Variants in ROBO1 observed in about 807,000 individuals in gnomAD.
ROBO1 encodes roundabout homolog 1.
Under a neutral mutation model 195.9 loss-of-function variants are expected in ROBO1, and 149 were observed. The observed-to-expected ratio is 0.76, with a 90% CI of 0.67 to 0.87. The LOEUF is 0.87. Ranked by LOEUF, ROBO1 falls within the 40% of genes least tolerant of loss-of-function variation. The pLI is 0.00. For missense variants in ROBO1, 1,933 were observed against 2,068.3 expected, an observed-to-expected ratio of 0.93 and a Z score of 1.27; for synonymous variants, 816 against 733.2, an observed-to-expected ratio of 1.11 and a Z score of -1.82.
chr3:78,654,633 G>A (rs1470477930), intron 18 of ROBO1, among the ~76,000 whole-genome samples: 2 of 152,254 alleles, frequency 1.3e-5, no homozygotes, highest in Middle Eastern at 3.4e-3. Context: ...CTCAAGTGTG[G>A]TATGACTAAT....
chr3:79,753,674 G>T (rs1704240931), intron 1 of ROBO1, among the ~76,000 whole-genome samples: 1 of 152,144 alleles, frequency 6.6e-6, no homozygotes, highest in African/African-American at 2.4e-5. Flanking sequence ...AGCATTAAGA[G>T]AGAATCCACC....
intron 4 of ROBO1, among the ~76,000 whole-genome samples, chr3:78,840,145 G>T (rs2033080326): frequency 6.6e-6 from 1 of 152,152 alleles, no homozygotes; most frequent in Non-Finnish European, 1.5e-5. Context: ...GATGAATTCA[G>T]CTGTTTCAAT....
At chr3:79,625,965 A>G (rs1945165798) in intron 1 of ROBO1, among the ~76,000 whole-genome samples, 1 of 152,176 alleles carries the variant, frequency 6.6e-6, no homozygotes, top group Admixed American at 6.5e-5. Flanking sequence ...TCAATAAAAT[A>G]CTGGCCAACC....
At chr3:79,512,780 C>A (rs1336957661) in intron 2 of ROBO1, 1 of 152,072 alleles carries the variant, frequency 6.6e-6, no homozygotes, top group East Asian at 1.9e-4. Context: ...CAATTCTAAA[C>A]ATAAATAATA....
intron 3 of ROBO1, among the ~76,000 whole-genome samples, chr3:79,054,059 C>T (rs542738905): frequency 5.1e-4 from 77 of 152,150 alleles, no homozygotes; most frequent in African/African-American, 1.7e-3. Context: ...CTGTTCTAAC[C>T]CCATCTCAGC....
intron 2 of ROBO1, among the ~76,000 whole-genome samples, chr3:79,394,106 C>A (rs576852954): frequency 6.6e-6 from 1 of 151,668 alleles, no homozygotes; most frequent in Non-Finnish European, 1.5e-5. Context: ...TGGCAATAAG[C>A]CCCCTGCTTT....
chr3:79,526,813 A>G (rs994245917), intron 2 of ROBO1, among the ~76,000 whole-genome samples: 1 of 152,168 alleles, frequency 6.6e-6, no homozygotes, highest in African/African-American at 2.4e-5. Flanking sequence ...TTATGATTCT[A>G]AGAGACAAAT....
At chr3:79,615,622 G>A (rs903331983) in intron 1 of ROBO1, among the ~76,000 whole-genome samples, 4 of 152,094 alleles carry the variant, frequency 2.6e-5, no homozygotes, top group African/African-American at 7.2e-5. Flanking sequence ...AACAAAATAT[G>A]AGGATTCACA....
chr3:79,511,581 A>C (rs754160358), intron 2 of ROBO1, among the ~76,000 whole-genome samples: 23 of 152,146 alleles, frequency 1.5e-4, no homozygotes, highest in Non-Finnish European at 2.9e-4. Context: ...AGTTTATTTA[A>C]GCTTCAATAC....
chr3:79,396,433 T>A (rs1000948530), intron 2 of ROBO1, among the ~76,000 whole-genome samples: 1 of 152,026 alleles, frequency 6.6e-6, no homozygotes, highest in Non-Finnish European at 1.5e-5. Context: ...TGCTAACAAT[T>A]CTTTATATCA....
intron 8 of ROBO1, among the ~76,000 whole-genome samples, chr3:78,696,761 T>C (rs1468007287): frequency 6.7e-6 from 1 of 148,440 alleles, no homozygotes; most frequent in Non-Finnish European, 1.5e-5. Flanking sequence ...CATATATATA[T>C]ATAAACTGGT....
intron 1 of ROBO1, among the ~76,000 whole-genome samples, chr3:79,657,722 C>G (rs930705675): frequency 2.0e-5 from 3 of 151,964 alleles, no homozygotes; most frequent in African/African-American, 7.2e-5. Context: ...TCCCTTTTGC[C>G]AATTTTTATA....
intron 8 of ROBO1, chr3:78,693,341 A>C: frequency 6.4e-7 from 1 of 1,550,420 alleles, no homozygotes; most frequent in Non-Finnish European, 8.7e-7. Flanking sequence ...ATAAAATGTC[A>C]ACTTACCAGA....
chr3:79,383,058 T>C (rs2036625609), intron 2 of ROBO1, among the ~76,000 whole-genome samples: 1 of 152,108 alleles, frequency 6.6e-6, no homozygotes, highest in Non-Finnish European at 1.5e-5. Flanking sequence ...GAGTTCTCAA[T>C]GGGCTGCTGG....
intron 2 of ROBO1, among the ~76,000 whole-genome samples, chr3:79,466,344 T>C (rs1937957231): frequency 6.6e-6 from 1 of 152,192 alleles, no homozygotes; most frequent in South Asian, 2.1e-4. Context: ...TACAATTATT[T>C]GTCCTTGTAT....
At chr3:79,015,492 C>T (rs1175512733) in intron 3 of ROBO1, among the ~76,000 whole-genome samples, 1 of 149,580 alleles carries the variant, frequency 6.7e-6, no homozygotes, top group African/African-American at 2.5e-5. Flanking sequence ...CACTTAAAAG[C>T]AGGTTTTAAG....
At chr3:79,590,016 T>A in intron 1 of ROBO1, 55 bp from the exon 2 acceptor site, 1 of 738,976 alleles carries the variant, frequency 1.4e-6, no homozygotes, top group Non-Finnish European at 2.2e-6. Context: ...TGAGAAACAA[T>A]TATTTTGTGA....
chr3:78,955,191 T>C (rs1348108698), intron 3 of ROBO1, among the ~76,000 whole-genome samples: 1 of 149,732 alleles, frequency 6.7e-6, no homozygotes, highest in Non-Finnish European at 1.5e-5. Context: ...CTGTGTATCA[T>C]GGGGTTATAT....
chr3:79,415,728 A>G (rs2037973101), intron 2 of ROBO1, among the ~76,000 whole-genome samples: 1 of 152,204 alleles, frequency 6.6e-6, no homozygotes, highest in African/African-American at 2.4e-5. Context: ...CAGGAAGACC[A>G]GTTAGAAGAC....
Sources: gnomAD v4.1 joint callset for allele counts (sites outside exome capture counted in the v4.1 genomes callset) on GRCh38, gnomAD v4.1.1 for gene constraint, MANE v1.5 for transcripts, NCBI Gene and HGNC (gene_info 2026-07-23, HGNC 2026-07-21) for gene names.